Variants in PRIM2 observed in about 807,000 individuals in gnomAD.
The protein encoded by PRIM2 is DNA primase subunit 2.
In PRIM2, 39 loss-of-function variants were observed where a neutral mutation model predicts 67.3. The observed-to-expected ratio is 0.58, with a 90% CI of 0.45 to 0.76. PRIM2 has a LOEUF of 0.76. Ranked by LOEUF, PRIM2 falls within the 30% of genes least tolerant of loss-of-function variation. The pLI, the probability that PRIM2 is intolerant of heterozygous loss-of-function variation, is 0.00. For missense variants in PRIM2, 398 were observed against 598.7 expected, an observed-to-expected ratio of 0.66 and a Z score of 3.50; for synonymous variants, 143 against 198.7, an observed-to-expected ratio of 0.72 and a Z score of 2.36.
At chr6:57,593,252 G>A (rs1380377019) in intron 10 of PRIM2, among the ~76,000 whole-genome samples, 2 of 152,036 alleles carry the variant, frequency 1.3e-5, no homozygotes, top group Non-Finnish European at 1.5e-5. Flanking sequence ...TGAATGGAGT[G>A]GGAGGGAAGA....
rs1773197116 is a variant in PRIM2, at chr6:57,466,506, T to C, written c.694-40881T>C. 6.6e-5 allele frequency among the ~76,000 whole-genome samples: 10 copies of C among 152,222 alleles called. 1 individual carries two copies. In the South Asian group the frequency reaches 2.1e-3, roughly 32 times the overall value. ...CTGTTGTTTCCTGACTTTTTAAGGA[T>C]TGTCATTCTAACTGGTGTGAGATGG... On this transcript the variant is annotated intron_variant, in intron 7 of 13. Transcript: ENST00000615550.
chr6:57,253,728 C>T, the PRIM2 span, among the ~76,000 whole-genome samples: 1 of 152,184 alleles, frequency 6.6e-6, no homozygotes, highest in Non-Finnish European at 1.5e-5. Flanking sequence ...TCTCTAGTTT[C>T]TATCAAGGAA....
chr6:57,482,926 TTAA>T (rs1183156464), intron 7 of PRIM2, among the ~76,000 whole-genome samples: 1 of 152,184 alleles, frequency 6.6e-6, no homozygotes, highest in Non-Finnish European at 1.5e-5. Flanking sequence ...TTTGTTGTTG[TTAA>T]GATGGAATCT....
At chr6:57,599,886 G>A (rs1776429113) in intron 10 of PRIM2, among the ~76,000 whole-genome samples, 1 of 152,070 alleles carries the variant, frequency 6.6e-6, no homozygotes, top group African/African-American at 2.4e-5. Context: ...GCAATGCCAC[G>A]ATCATAGCTC....
chr6:57,453,905 A>G (rs1296215293), intron 7 of PRIM2, among the ~76,000 whole-genome samples: 1 of 152,114 alleles, frequency 6.6e-6, no homozygotes, highest in East Asian at 1.9e-4. Flanking sequence ...CCCATTCAGT[A>G]TGATATTGGC....
chr6:57,240,884 T>C, the PRIM2 span, among the ~76,000 whole-genome samples: 6 of 151,504 alleles, frequency 4.0e-5, no homozygotes, highest in African/African-American at 1.5e-4. Context: ...AACCCAGAAG[T>C]TCAAGACCAG....
At chr6:57,539,996 GAAA>G (rs1171138513) in intron 10 of PRIM2, among the ~76,000 whole-genome samples, 1 of 121,564 alleles carries the variant, frequency 8.2e-6, no homozygotes, top group African/African-American at 3.1e-5. Flanking sequence ...TCCATCTCAA[GAAA>G]AAAAAAAAAA....
At chr6:57,628,434 T>A (rs1776989678) in intron 12 of PRIM2, among the ~76,000 whole-genome samples, 2 of 152,248 alleles carry the variant, frequency 1.3e-5, no homozygotes, top group South Asian at 4.1e-4. Flanking sequence ...AAAGTACTCT[T>A]GCCTAACAAC....
intron 7 of PRIM2, among the ~76,000 whole-genome samples, chr6:57,433,159 C>T (rs1409741553): frequency 6.6e-6 from 1 of 152,130 alleles, no homozygotes; most frequent in Non-Finnish European, 1.5e-5. Context: ...ACAGCTAAAA[C>T]ATTTACTATC....
chr6:57,582,448 G>A (rs1449057530), intron 10 of PRIM2, among the ~76,000 whole-genome samples: 1 of 152,080 alleles, frequency 6.6e-6, no homozygotes, highest in African/African-American at 2.4e-5. Context: ...CCATTTGAAA[G>A]CATACTGAAA....
chr6:57,378,101 C>T (rs1478049961), intron 5 of PRIM2, among the ~76,000 whole-genome samples: 1 of 147,034 alleles, frequency 6.8e-6, no homozygotes, highest in Non-Finnish European at 1.5e-5. Flanking sequence ...TGCTGTGTCA[C>T]CCAGACTGGA....
intron 10 of PRIM2, among the ~76,000 whole-genome samples, chr6:57,599,395 T>G (rs1339381881): frequency 6.6e-6 from 1 of 151,650 alleles, no homozygotes; most frequent in African/African-American, 2.4e-5. Flanking sequence ...GTTAAATCTT[T>G]TTAGGACATA....
At chr6:57,354,844 G>C (rs1432927529) in intron 5 of PRIM2, among the ~76,000 whole-genome samples, 3 of 152,194 alleles carry the variant, frequency 2.0e-5, no homozygotes, top group African/African-American at 7.2e-5. Flanking sequence ...GTTGAACTTT[G>C]TTTGGCTTTT....
At chr6:57,344,386 A>G (rs1407277374) in intron 5 of PRIM2, among the ~76,000 whole-genome samples, 3 of 151,998 alleles carry the variant, frequency 2.0e-5, no homozygotes, top group East Asian at 1.9e-4. Context: ...TATATATGAA[A>G]TGAGCTTTTC....
At chr6:57,456,842 C>G (rs1394228255) in intron 7 of PRIM2, among the ~76,000 whole-genome samples, 8 of 152,270 alleles carry the variant, frequency 5.3e-5, no homozygotes, top group Admixed American at 3.3e-4. Flanking sequence ...GAGCTGCGTT[C>G]CTTTGGAGGA....
chr6:57,257,518 G>A, the PRIM2 span, among the ~76,000 whole-genome samples: 1 of 152,122 alleles, frequency 6.6e-6, no homozygotes, highest in South Asian at 2.1e-4. Context: ...TGATCTGCCC[G>A]CCTCGGCCTC....
At chr6:57,642,470 TTTCG>T (rs1777259476) in intron 13 of PRIM2, among the ~76,000 whole-genome samples, 1 of 118,848 alleles carries the variant, frequency 8.4e-6, no homozygotes, top group Non-Finnish European at 1.7e-5. Context: ...TGAGACGGAG[TTTCG>T]CTCTGTCGCC....
At chr6:57,608,716 A>G (rs1454882033) in intron 12 of PRIM2, among the ~76,000 whole-genome samples, 7 of 139,516 alleles carry the variant, frequency 5.0e-5, no homozygotes, top group East Asian at 2.0e-4. Context: ...CTGTCTCAAG[A>G]AAAAAAAAAA....
chr6:57,301,862 C>T, the PRIM2 span, among the ~76,000 whole-genome samples: 3 of 152,152 alleles, frequency 2.0e-5, no homozygotes, highest in Admixed American at 6.5e-5. Context: ...ATATACCTAA[C>T]AATAAACCTG....
Sources: gnomAD v4.1 joint callset for allele counts (sites outside exome capture counted in the v4.1 genomes callset) on GRCh38, gnomAD v4.1.1 for gene constraint, MANE v1.5 for transcripts, NCBI Gene and HGNC (gene_info 2026-07-23, HGNC 2026-07-21) for gene names.